CCDC91: variants seen among roughly 807,000 people sequenced by gnomAD.
CCDC91 encodes the protein coiled-coil domain-containing protein 91.
In CCDC91, 48 loss-of-function variants were observed where a neutral mutation model predicts 63.2. That is an observed-to-expected ratio of 0.76 (90% CI 0.60 to 0.97). The LOEUF (loss-of-function observed/expected upper bound fraction) is 0.97. CCDC91 is among the 50% of genes least tolerant of loss of function. The pLI is 0.00. For synonymous variants in CCDC91, 167 were observed against 165.8 expected, an observed-to-expected ratio of 1.01 and a Z score of -0.06; for missense variants, 500 against 494.6, an observed-to-expected ratio of 1.01 and a Z score of -0.10.
intron 8 of CCDC91, among the ~76,000 whole-genome samples, chr12:28,397,779 T>C (rs539149055): frequency 6.6e-6 from 1 of 152,162 alleles, no homozygotes; most frequent in Non-Finnish European, 1.5e-5. Flanking sequence ...TTAATAGATA[T>C]ATATAAAATG....
At chr12:28,444,089 A>G (rs1372842834) in intron 8 of CCDC91, among the ~76,000 whole-genome samples, 1 of 152,196 alleles carries the variant, frequency 6.6e-6, no homozygotes, top group African/African-American at 2.4e-5. Flanking sequence ...AACAAACTGA[A>G]TGATAGCACA....
chr12:28,294,655 G>T (rs1398831226), intron 3 of CCDC91, among the ~76,000 whole-genome samples: 1 of 152,030 alleles, frequency 6.6e-6, no homozygotes, highest in Non-Finnish European at 1.5e-5. Flanking sequence ...CACGATTTCG[G>T]CTCACTGCAA....
intron 12 of CCDC91, among the ~76,000 whole-genome samples, chr12:28,501,259 G>A (rs1937809293): frequency 6.6e-6 from 1 of 151,946 alleles, no homozygotes; most frequent in African/African-American, 2.4e-5. Context: ...CAGGAGTGGT[G>A]AGAGAGGGCA....
intron 12 of CCDC91, among the ~76,000 whole-genome samples, chr12:28,495,376 G>A (rs1390404243): frequency 6.6e-6 from 1 of 151,666 alleles, no homozygotes; most frequent in Admixed American, 6.6e-5. Flanking sequence ...ATGCCTATCA[G>A]TTTTGTTCAT....
intron 11 of CCDC91, among the ~76,000 whole-genome samples, chr12:28,477,615 G>A (rs150571910): frequency 0.062 from 9,436 of 152,054 alleles, 732 homozygotes; most frequent in East Asian, 0.3. Context: ...AGTTCTGGCC[G>A]GGGCAATCAG....
chr12:28,259,464 G>T (rs1946674375), intron 3 of CCDC91, 22 bp downstream of exon 3: 72 of 1,094,808 alleles, frequency 6.6e-5, no homozygotes, highest in South Asian at 9.0e-5. Context: ...CAGGAATTAG[G>T]GTTTTTTTTT....
chr12:28,348,076 A>G (rs1273813593), intron 6 of CCDC91, among the ~76,000 whole-genome samples: 3 of 152,216 alleles, frequency 2.0e-5, no homozygotes, highest in Admixed American at 6.5e-5. Flanking sequence ...CTCTCTGTCC[A>G]TTGTTGGACA....
At chr12:28,387,245 TCA>T (rs1240286524) in intron 7 of CCDC91, among the ~76,000 whole-genome samples, 2 of 152,196 alleles carry the variant, frequency 1.3e-5, no homozygotes, top group African/African-American at 2.4e-5. Flanking sequence ...GCACTAGTAA[TCA>T]CACAATGTTG....
chr12:28,308,401 C>A (rs767885222), intron 6 of CCDC91, among the ~76,000 whole-genome samples: 1 of 151,986 alleles, frequency 6.6e-6, no homozygotes, highest in Non-Finnish European at 1.5e-5. Flanking sequence ...TCACTGCCCA[C>A]GTGCAGACCA....
chr12:28,450,143 G>T lies in CCDC91; in HGVS notation c.763-18G>T, dbSNP rs765057840. On this transcript the variant is annotated intron_variant, in intron 8 of 12. Transcript: ENST00000536442. ...CTGTCTCAGAGCCATAATATAATTT[G>T]CTTATCATTCCTTGTAGCATCAGAG... The T allele has an allele frequency of 6.9e-6, 10 of 1,440,068 alleles. No homozygotes were observed. The highest frequency in any genetic ancestry group is 9.6e-6 in the Non-Finnish European group (10 of 1,038,074). 89.2% of individuals were successfully genotyped at this position (1,440,068 alleles called of 1,614,324 possible). A position where few individuals can be genotyped will look rare whatever the true frequency, so the allele number is the denominator to read the frequency against.
intron 12 of CCDC91, among the ~76,000 whole-genome samples, chr12:28,514,998 C>CATAG (rs1939788096): frequency 1.3e-5 from 2 of 151,746 alleles, no homozygotes; most frequent in Non-Finnish European, 2.9e-5. Flanking sequence ...CAAATATGCA[C>CATAG]ATAGACCCCT....
chr12:28,306,159 A>C (rs1938704617), intron 4 of CCDC91, among the ~76,000 whole-genome samples: 1 of 152,096 alleles, frequency 6.6e-6, no homozygotes. Flanking sequence ...GCACATTTTC[A>C]GGTATTCAAG....
chr12:28,320,509 A>G (rs908761966), intron 6 of CCDC91, among the ~76,000 whole-genome samples: 3 of 151,836 alleles, frequency 2.0e-5, no homozygotes, highest in Admixed American at 6.6e-5. Context: ...CTAGTTTACA[A>G]TCTCTAAGGA....
At chr12:28,391,225 C>G in intron 7 of CCDC91, 79 bp from the exon 8 acceptor site, 2 of 787,650 alleles carry the variant, frequency 2.5e-6, no homozygotes, top group Non-Finnish European at 4.4e-6. Flanking sequence ...GTATGTACAA[C>G]TGTCAAAAAT....
At chr12:28,235,208 A>G (rs185014557) in intron 1 of CCDC91, among the ~76,000 whole-genome samples, 2 of 152,312 alleles carry the variant, frequency 1.3e-5, no homozygotes, top group South Asian at 2.1e-4. Flanking sequence ...CACCCATGCT[A>G]CTGGTCAAAG....
At chr12:28,380,705 C>T (rs1270299967) in intron 7 of CCDC91, among the ~76,000 whole-genome samples, 1 of 152,008 alleles carries the variant, frequency 6.6e-6, no homozygotes, top group East Asian at 1.9e-4. Context: ...AGTAATAATG[C>T]TGGAGGACTG....
chr12:28,226,286 T>C (rs531971553), intron 1 of CCDC91: 1 of 152,312 alleles, frequency 6.6e-6, no homozygotes, highest in African/African-American at 2.4e-5. Flanking sequence ...TATGAGATTT[T>C]TAACTGGGTG....
intron 3 of CCDC91, among the ~76,000 whole-genome samples, chr12:28,289,420 G>C (rs1949086180): frequency 6.6e-6 from 1 of 152,008 alleles, no homozygotes; most frequent in Non-Finnish European, 1.5e-5. Context: ...CTTGATTTCT[G>C]CCTTCTCTTC....
At chr12:28,268,191 G>A (rs1463419867) in intron 3 of CCDC91, among the ~76,000 whole-genome samples, 5 of 151,156 alleles carry the variant, frequency 3.3e-5, no homozygotes, top group African/African-American at 1.2e-4. Flanking sequence ...AGCCTCCTGA[G>A]TAGCTGGGAT....
Sources: allele counts gnomAD v4.1 joint callset (sites outside exome capture counted in the v4.1 genomes callset), GRCh38; gene constraint gnomAD v4.1.1; transcripts MANE v1.5; gene names NCBI Gene and HGNC (gene_info 2026-07-23, HGNC 2026-07-21).